ADGRB3: variants seen among roughly 807,000 people sequenced by gnomAD.
ADGRB3 encodes brain-specific angiogenesis inhibitor 3.
In ADGRB3, 37 loss-of-function variants were observed where a neutral mutation model predicts 193.4. The observed-to-expected ratio is 0.19, with a 90% CI of 0.15 to 0.25. The LOEUF (loss-of-function observed/expected upper bound fraction) is 0.25, where lower values mean the gene tolerates loss of function less well. Among genes scored for constraint, ADGRB3 ranks in the 10% least tolerant of loss-of-function variants. The pLI, the probability that ADGRB3 is intolerant of heterozygous loss-of-function variation, is 1.00. For missense variants in ADGRB3, 1,637 were observed against 1,852.9 expected (o/e 0.88, Z 2.14); for synonymous variants, 690 against 644.2 (o/e 1.07, Z -1.08).
At chr6:68,636,325 T>C (rs1767949027) in intron 1 of ADGRB3, among the ~76,000 whole-genome samples, 1 of 151,934 alleles carries the variant, frequency 6.6e-6, no homozygotes, top group Non-Finnish European at 1.5e-5. Context: ...GGGTCTTCTA[T>C]TGGGGGGAAA....
chr6:68,905,269 C>G (rs1412756694), intron 3 of ADGRB3, among the ~76,000 whole-genome samples: 1 of 152,134 alleles, frequency 6.6e-6, no homozygotes, highest in Non-Finnish European at 1.5e-5. Flanking sequence ...ATAAGGTCAC[C>G]TAATCAATTC....
At chr6:69,165,064 C>A (rs1051443854) in intron 17 of ADGRB3, among the ~76,000 whole-genome samples, 1 of 151,970 alleles carries the variant, frequency 6.6e-6, no homozygotes, top group Non-Finnish European at 1.5e-5. Context: ...CTCTTCCACC[C>A]GGCATTATTT....
At chr6:68,945,739 G>A (rs974942061) in intron 6 of ADGRB3, among the ~76,000 whole-genome samples, 1 of 152,050 alleles carries the variant, frequency 6.6e-6, no homozygotes, top group South Asian at 2.1e-4. Flanking sequence ...GTTTCTCATA[G>A]TCTACTTTCC....
chr6:69,302,244 T>C (rs1767962984), intron 20 of ADGRB3, among the ~76,000 whole-genome samples: 2 of 151,980 alleles, frequency 1.3e-5, no homozygotes. Flanking sequence ...AATTCACCAG[T>C]ATTGCAAATG....
chr6:69,238,927 A>G (rs562015907), intron 19 of ADGRB3, among the ~76,000 whole-genome samples, 197 bp from the exon 20 acceptor site: 2 of 152,134 alleles, frequency 1.3e-5, no homozygotes, highest in Admixed American at 6.6e-5. Context: ...ACGCTTGCAC[A>G]TGCCATACCA....
intron 10 of ADGRB3, among the ~76,000 whole-genome samples, chr6:68,993,402 A>G (rs994835515): frequency 6.6e-6 from 1 of 152,256 alleles, no homozygotes; most frequent in African/African-American, 2.4e-5. Flanking sequence ...ATAATCTCCC[A>G]TCTCTGATCA....
At chr6:68,853,900 A>C (rs1768456177) in intron 3 of ADGRB3, among the ~76,000 whole-genome samples, 1 of 152,202 alleles carries the variant, frequency 6.6e-6, no homozygotes. Context: ...CTTTCACTAC[A>C]AAGGAAGCAC....
chr6:69,388,999 C>T lies in ADGRB3; in HGVS notation c.*108C>T. Reference sequence around the variant, plus strand: ...ACAGTGTGACTATCTTATGTCAGGACCTTCATGTGCCAAACGTCAGTGGTG... The same window carrying T: ...ACAGTGTGACTATCTTATGTCAGGATCTTCATGTGCCAAACGTCAGTGGTG... On this transcript the variant is annotated 3_prime_UTR_variant, in exon 32 of 32. Coordinates refer to ENST00000370598, the MANE Select transcript of ADGRB3 (RefSeq NM_001704.3). The T allele has an allele frequency of 9.1e-7, 1 of 1,104,630 alleles. No individual in the cohort carries two copies. The highest frequency in any genetic ancestry group is 1.3e-6 in the Non-Finnish European group (1 of 789,526). 68.4% of individuals were successfully genotyped at this position (1,104,630 alleles called of 1,614,324 possible).
At chr6:69,086,603 C>T (rs1278243274) in intron 17 of ADGRB3, among the ~76,000 whole-genome samples, 1 of 151,876 alleles carries the variant, frequency 6.6e-6, no homozygotes, top group East Asian at 1.9e-4. Flanking sequence ...AAAGTTAGTG[C>T]CAAATTTTTT....
intron 17 of ADGRB3, among the ~76,000 whole-genome samples, chr6:69,089,065 CAA>C (rs1312548766): frequency 1.3e-5 from 2 of 152,150 alleles, no homozygotes; most frequent in African/African-American, 4.8e-5. Context: ...TTTAAGAAGA[CAA>C]AGGGTTAATT....
intron 3 of ADGRB3, among the ~76,000 whole-genome samples, chr6:68,646,926 T>C (rs1768229434): frequency 6.6e-6 from 1 of 152,224 alleles, no homozygotes; most frequent in South Asian, 2.1e-4. Context: ...GAGTGCTTGA[T>C]GTTTTGTGCA....
At chr6:68,767,118 T>C (rs1582183632) in intron 3 of ADGRB3, among the ~76,000 whole-genome samples, 1 of 152,110 alleles carries the variant, frequency 6.6e-6, no homozygotes, top group Admixed American at 6.6e-5. Context: ...ACTCCTTAAT[T>C]GTATATTTCT....
chr6:68,898,196 T>G (rs1176321364), intron 3 of ADGRB3, among the ~76,000 whole-genome samples: 1 of 151,858 alleles, frequency 6.6e-6, no homozygotes. Flanking sequence ...GGGCCACTGG[T>G]GTAAGTCTGG....
intron 6 of ADGRB3, among the ~76,000 whole-genome samples, chr6:68,951,536 G>T (rs899080473): frequency 6.6e-6 from 1 of 152,080 alleles, no homozygotes; most frequent in Non-Finnish European, 1.5e-5. Flanking sequence ...CAGCTCCCCC[G>T]TGGCGCAGTT....
chr6:69,138,939 TGACTCTATTCAGA>T (rs1447816075), intron 17 of ADGRB3, among the ~76,000 whole-genome samples: 3 of 152,208 alleles, frequency 2.0e-5, no homozygotes, highest in African/African-American at 7.2e-5. Flanking sequence ...AGCTAGTGCA[TGACTCTATTCAGA>T]GTAAGTAGAT....
intron 17 of ADGRB3, among the ~76,000 whole-genome samples, chr6:69,112,860 C>T (rs553924202): frequency 7.9e-5 from 12 of 151,990 alleles, no homozygotes; most frequent in East Asian, 1.9e-4. Flanking sequence ...AAGGTTAAAG[C>T]GATTCTCCTG....
chr6:68,650,651 C>CAAAACA (rs1368320432), intron 3 of ADGRB3, among the ~76,000 whole-genome samples: 1 of 152,076 alleles, frequency 6.6e-6, no homozygotes, highest in African/African-American at 2.4e-5. Flanking sequence ...TGTCTCAAAA[C>CAAAACA]AAAACAAAAA....
intron 13 of ADGRB3, among the ~76,000 whole-genome samples, chr6:69,034,467 G>A (rs527895532): frequency 6.7e-5 from 10 of 149,692 alleles, no homozygotes; most frequent in African/African-American, 2.4e-4. Flanking sequence ...AGACTACATA[G>A]GTGAAACAAA....
At chr6:69,098,476 T>C (rs1772947129) in intron 17 of ADGRB3, among the ~76,000 whole-genome samples, 1 of 152,002 alleles carries the variant, frequency 6.6e-6, no homozygotes, top group Admixed American at 6.6e-5. Flanking sequence ...GGAAAAGAGG[T>C]TTAATTGACT....
Sources: gnomAD v4.1 joint callset for allele counts (sites outside exome capture counted in the v4.1 genomes callset) on GRCh38, gnomAD v4.1.1 for gene constraint, MANE v1.5 for transcripts, NCBI Gene and HGNC (gene_info 2026-07-23, HGNC 2026-07-21) for gene names.